The following DPP6 variants were observed in gnomAD, a reference collection of about 807,000 sequenced individuals.
DPP6 encodes dipeptidyl peptidase like 6.
A neutral mutation model predicts 122.6 loss-of-function variants in DPP6; 69 were observed. That is an observed-to-expected ratio of 0.56 (90% CI 0.46 to 0.69). DPP6 has a LOEUF of 0.69. Among genes scored for constraint, DPP6 ranks in the 30% least tolerant of loss-of-function variants. DPP6 has a pLI of 0.00. For missense variants in DPP6, 928 were observed against 1,116.9 expected, an observed-to-expected ratio of 0.83 and a Z score of 2.41; for synonymous variants, 418 against 433.1, an observed-to-expected ratio of 0.97 and a Z score of 0.43.
rs186963101 is a variant in DPP6, at chr7:154,731,323, G to C, written c.883+3436G>C. On this transcript the variant is annotated intron_variant, in intron 8 of 25. Transcript: ENST00000377770. The stretch of plus-strand genomic sequence containing the variant: ...AAACAGCCACTGCAGTCCATAGCTT[G>C]TTGGCAGAAAAATGCCTTATTGATT... 1.8e-3 allele frequency among the ~76,000 whole-genome samples: 274 copies of C among 152,338 alleles called. 1 individual carries two copies. Among genetic ancestry groups the C allele is most frequent in the African/African-American group, 6.2e-3 (257 of 41,578 alleles).
At chr7:154,336,623 G>A (rs1809449582) in intron 1 of DPP6, among the ~76,000 whole-genome samples, 1 of 152,200 alleles carries the variant, frequency 6.6e-6, no homozygotes, top group African/African-American at 2.4e-5. Context: ...AATTCCAAAA[G>A]GCATGTGATT....
At chr7:154,839,591 T>G (rs1322694119) in intron 16 of DPP6, among the ~76,000 whole-genome samples, 2 of 152,230 alleles carry the variant, frequency 1.3e-5, no homozygotes, top group Non-Finnish European at 2.9e-5. Context: ...GGCGGGATTG[T>G]TAACCGTTGT....
At chr7:154,472,318 C>A (rs890543245) in intron 2 of DPP6, among the ~76,000 whole-genome samples, 3 of 152,192 alleles carry the variant, frequency 2.0e-5, no homozygotes, top group Non-Finnish European at 4.4e-5. Flanking sequence ...GTCTGCCACG[C>A]CAATGCCAAC....
chr7:154,042,671 T>C (rs1375379762), intron 1 of DPP6, among the ~76,000 whole-genome samples: 2 of 152,216 alleles, frequency 1.3e-5, no homozygotes, highest in Non-Finnish European at 2.9e-5. Context: ...TGACAAGGTA[T>C]GGGCTAGTCA....
At chr7:153,926,059 G>C (rs76205742) in intron 1 of DPP6, among the ~76,000 whole-genome samples, 29 of 152,184 alleles carry the variant, frequency 1.9e-4, no homozygotes, top group African/African-American at 5.8e-4. Context: ...ATCCTTCCAC[G>C]TCCTCTCTCC....
intron 5 of DPP6, among the ~76,000 whole-genome samples, chr7:154,590,281 A>G (rs6952181): frequency 0.98 from 149,756 of 152,154 alleles, 73,809 homozygotes; most frequent in Non-Finnish European, 1. Context: ...GAGATGATGC[A>G]AAACCAACCT....
chr7:154,879,709 G>GTA (rs1805219146), intron 20 of DPP6, among the ~76,000 whole-genome samples: 1 of 151,888 alleles, frequency 6.6e-6, no homozygotes, highest in Non-Finnish European at 1.5e-5. Context: ...CCACGATCAC[G>GTA]CCACTGCACT....
chr7:154,617,598 GC>G (rs1834347013), intron 5 of DPP6, among the ~76,000 whole-genome samples: 1 of 152,146 alleles, frequency 6.6e-6, no homozygotes, highest in Non-Finnish European at 1.5e-5. Context: ...CACCATCCCT[GC>G]CCGTTGGTGA....
intron 7 of DPP6, among the ~76,000 whole-genome samples, chr7:154,680,264 A>G (rs1052791786): frequency 2.6e-5 from 4 of 152,256 alleles, no homozygotes; most frequent in Admixed American, 2.6e-4. Context: ...TTATAAAACA[A>G]TATGAAAATA....
rs1485546334 is a variant in DPP6 at position 154,389,312 on chromosome 7, C to A, written c.244-56902C>A. Among the ~76,000 whole-genome samples, 3 of 152,252 alleles carry A rather than the reference C, an allele frequency of 2.0e-5. No individual in the cohort carries two copies. The East Asian group carries it at 5.8e-4, about 29-fold the overall frequency. On this transcript the variant is annotated intron_variant, in intron 1 of 25. Transcript: ENST00000377770. ...AGATAAGGAAGTTTAATGGATGGTG[C>A]TGCCTTCTGAAAGATTAATCGTGCC... is the stretch of plus-strand genomic sequence containing the variant.
intron 17 of DPP6, among the ~76,000 whole-genome samples, chr7:154,856,006 G>A (rs2150584476): frequency 6.6e-6 from 1 of 152,248 alleles, no homozygotes; most frequent in East Asian, 1.9e-4. Flanking sequence ...GCTGTTGCCC[G>A]ATGGTTCTGT....
At chr7:154,711,945 C>CACACACACACAAA (rs1554443047) in intron 7 of DPP6, among the ~76,000 whole-genome samples, 3 of 149,796 alleles carry the variant, frequency 2.0e-5, no homozygotes, top group African/African-American at 4.9e-5. Flanking sequence ...TTAATACACA[C>CACACACACACAAA]ACACACACAC....
chr7:154,081,562 C>T (rs1235926114), intron 1 of DPP6, among the ~76,000 whole-genome samples: 4 of 146,616 alleles, frequency 2.7e-5, no homozygotes, highest in East Asian at 4.0e-4. Context: ...GTCACTGTGG[C>T]ATGGAGTAGG....
intron 23 of DPP6, 125 bp downstream of exon 23, chr7:154,887,859 C>A: frequency 3.6e-6 from 4 of 1,113,926 alleles, no homozygotes; most frequent in Non-Finnish European, 5.5e-6. Flanking sequence ...TCACCAGCAC[C>A]AAAGCCCACT....
At chr7:153,822,332 G>A in the DPP6 span, among the ~76,000 whole-genome samples, 1 of 151,888 alleles carries the variant, frequency 6.6e-6, no homozygotes, top group African/African-American at 2.4e-5. Flanking sequence ...TGGGACTACA[G>A]GCGCACGCCA....
At chr7:153,826,392 C>A in the DPP6 span, among the ~76,000 whole-genome samples, 263 of 152,290 alleles carry the variant, frequency 1.7e-3, 1 homozygote, top group Middle Eastern at 6.8e-3. Flanking sequence ...ACTAGGCTAT[C>A]TTTTTTGTCC....
chr7:153,920,554 TA>T (rs1225197738), intron 1 of DPP6, among the ~76,000 whole-genome samples: 2 of 85,840 alleles, frequency 2.3e-5, no homozygotes. Context: ...CTTTTTCTTT[TA>T]TCTCTCTCTT....
chr7:154,109,705 C>G (rs1216148466), intron 1 of DPP6, among the ~76,000 whole-genome samples: 7 of 151,466 alleles, frequency 4.6e-5, no homozygotes, highest in Admixed American at 3.9e-4. Flanking sequence ...ATAATTCTCC[C>G]TGAGAAGGGG....
At chr7:154,824,131 C>T (rs1385631661) in intron 16 of DPP6, among the ~76,000 whole-genome samples, 1 of 152,182 alleles carries the variant, frequency 6.6e-6, no homozygotes, top group Non-Finnish European at 1.5e-5. Flanking sequence ...TGCTGCTTGA[C>T]TAGAGGATTC....
Sources: allele counts gnomAD v4.1 joint callset (sites outside exome capture counted in the v4.1 genomes callset), GRCh38; gene constraint gnomAD v4.1.1; transcripts MANE v1.5; gene names NCBI Gene and HGNC (gene_info 2026-07-23, HGNC 2026-07-21).